Variants in RAPGEF2 observed in about 807,000 individuals in gnomAD.
RAPGEF2 encodes the protein Rap guanine nucleotide exchange factor 2, also known as PDZ domain containing guanine nucleotide exchange factor (GEF) 1.
Under a neutral mutation model 186.7 loss-of-function variants are expected in RAPGEF2, and 54 were observed. That is an observed-to-expected ratio of 0.29 (90% CI 0.23 to 0.36). The LOEUF (loss-of-function observed/expected upper bound fraction) is 0.36, where lower values mean the gene tolerates loss of function less well. Among genes scored for constraint, RAPGEF2 ranks in the 10% least tolerant of loss-of-function variants. The probability of loss-of-function intolerance (pLI) is 1.00; values close to 1 mark genes in which losing one functional copy is unlikely to be tolerated. For synonymous variants in RAPGEF2, 712 were observed against 705.9 expected, an observed-to-expected ratio of 1.01 and a Z score of -0.14; for missense variants, 1,532 against 2,045.0, an observed-to-expected ratio of 0.75 and a Z score of 4.84.
intron 26 of RAPGEF2, chr4:159,352,404 T>C: frequency 3.0e-6 from 1 of 328,138 alleles, no homozygotes; most frequent in Non-Finnish European, 5.6e-6. Context: ...ATTATATAGG[T>C]AAGGGAGCTA....
chr4:159,215,246 C>T (rs1201658947), intron 4 of RAPGEF2, among the ~76,000 whole-genome samples: 1 of 152,182 alleles, frequency 6.6e-6, no homozygotes, highest in Non-Finnish European at 1.5e-5. Context: ...AATCTTAGCT[C>T]ACTGTGGCCT....
chr4:159,344,479 G>C (rs767238863), intron 23 of RAPGEF2, among the ~76,000 whole-genome samples: 4 of 152,068 alleles, frequency 2.6e-5, no homozygotes, highest in Non-Finnish European at 5.9e-5. Flanking sequence ...GTGCCCCCAG[G>C]TGTTAAACCC....
intron 11 of RAPGEF2, among the ~76,000 whole-genome samples, chr4:159,325,653 A>T (rs1458206251): frequency 6.6e-6 from 1 of 151,976 alleles, no homozygotes; most frequent in African/African-American, 2.4e-5. Flanking sequence ...AATTAGCCAG[A>T]CCCTTTTGTT....
At chr4:159,340,889 TC>T (rs1465080557) in intron 19 of RAPGEF2, among the ~76,000 whole-genome samples, 1 of 152,212 alleles carries the variant, frequency 6.6e-6, no homozygotes, top group Non-Finnish European at 1.5e-5. Context: ...AGCCCTGTGT[TC>T]CCATTTTGGC....
intron 17 of RAPGEF2, among the ~76,000 whole-genome samples, chr4:159,333,011 C>T (rs910566140): frequency 6.6e-6 from 1 of 151,860 alleles, no homozygotes; most frequent in African/African-American, 2.4e-5. Flanking sequence ...AAGAGTCTCA[C>T]TCTTATTGCC....
intron 7 of RAPGEF2, chr4:159,268,289 CT>C: frequency 7.8e-7 from 1 of 1,280,470 alleles, no homozygotes; most frequent in Non-Finnish European, 1.1e-6. Flanking sequence ...AATTGTTGCT[CT>C]TTCTCTTCAG....
chr4:159,172,699 A>T (rs1746039643), intron 1 of RAPGEF2, among the ~76,000 whole-genome samples: 1 of 152,204 alleles, frequency 6.6e-6, no homozygotes, highest in South Asian at 2.1e-4. Flanking sequence ...TCAGTAGGAT[A>T]AGTAAAGTGA....
intron 2 of RAPGEF2, among the ~76,000 whole-genome samples, chr4:159,190,328 A>G (rs966274147): frequency 1.3e-5 from 2 of 152,290 alleles, no homozygotes; most frequent in Non-Finnish European, 1.5e-5. Context: ...AATGGACAAT[A>G]GGCATGTAAA....
rs572599368 is a variant in RAPGEF2, at chr4:159,228,085, G to C, written c.282-10724G>C. On this transcript the variant is annotated intron_variant, in intron 4 of 29. Transcript: ENST00000691494. ...GATAAAGAGTGTCTGTCAGGCAGCC[G>C]CTGAGGTCATGAGGCTGGTATGCGA... Among the ~76,000 whole-genome samples, 4 of 152,274 alleles carry C rather than the reference G, an allele frequency of 2.6e-5. No individual in the cohort carries two copies. The East Asian group carries it at 7.7e-4, about 29-fold the overall frequency.
At position 159,353,508 on chromosome 4, in the gene RAPGEF2, G is replaced by C. The variant is rs1031012738; in HGVS notation, c.4113G>C (p.Glu1371Asp). 2 of 1,488,396 alleles carry C rather than the reference G, an allele frequency of 1.3e-6. No individual in the cohort carries two copies. The allele number at this position is 1,488,396 out of a possible 1,614,324, so 92.2% of individuals were successfully genotyped here. Reference protein sequence around the residue: ...YSLGSYAPMSEGRGLYATATV... With the variant: ...YSLGSYAPMSDGRGLYATATV... ...TTAGGTCCTATGCACCAATGTCCGAGGGCCGAGGCTTATATGCTACAGCTA... is the reference window on the plus strand; with the variant it reads ...TTAGGTCCTATGCACCAATGTCCGACGGCCGAGGCTTATATGCTACAGCTA... Residue 1371 changes from glutamate (E) to aspartate (D), a missense_variant, in exon 28 of 30, where the codon GAG (glutamate) becomes GAC (aspartate). Around this residue, in one of 4 missense-constraint regions of RAPGEF2, gnomAD observed 594 missense variants for 608.5 expected, o/e 0.98. Transcript: ENST00000691494. This position sits in a 1 kb window ranked among gnomAD's most constrained non-coding sequence, Gnocchi z 4.3.
chr4:159,138,993 C>A (rs890051793), intron 1 of RAPGEF2, among the ~76,000 whole-genome samples: 1 of 152,158 alleles, frequency 6.6e-6, no homozygotes, highest in Admixed American at 6.5e-5. Flanking sequence ...TCTCAGGCAA[C>A]TTGGTGCATC....
At chr4:159,152,783 A>G (rs1743701828) in intron 1 of RAPGEF2, among the ~76,000 whole-genome samples, 2 of 151,892 alleles carry the variant, frequency 1.3e-5, no homozygotes, top group Admixed American at 1.3e-4. Context: ...ACGCCTGGCT[A>G]ATTTTTTTTG....
chr4:159,115,616 A>G (rs899117596), intron 1 of RAPGEF2, among the ~76,000 whole-genome samples: 10 of 152,088 alleles, frequency 6.6e-5, no homozygotes, highest in African/African-American at 2.2e-4. Flanking sequence ...TTTTAAACAC[A>G]GTCAAATTTA....
intron 17 of RAPGEF2, among the ~76,000 whole-genome samples, chr4:159,337,774 C>T (rs1469762873): frequency 1.3e-5 from 2 of 150,608 alleles, no homozygotes; most frequent in Admixed American, 6.7e-5. Context: ...CCTGTAGTCC[C>T]AGCTACTCAG....
At chr4:159,230,338 CAT>C (rs1418253375) in intron 4 of RAPGEF2, among the ~76,000 whole-genome samples, 12 of 152,224 alleles carry the variant, frequency 7.9e-5, no homozygotes, top group African/African-American at 2.6e-4. Context: ...GACAGCTATT[CAT>C]ATGTGTGTGT....
intron 2 of RAPGEF2, among the ~76,000 whole-genome samples, chr4:159,190,262 A>G (rs916416892): frequency 1.1e-4 from 16 of 152,262 alleles, no homozygotes; most frequent in Admixed American, 5.2e-4. Context: ...GAGCTGTGAG[A>G]TCATCTGACT....
intron 1 of RAPGEF2, among the ~76,000 whole-genome samples, chr4:159,160,722 A>G (rs1338688207): frequency 6.6e-6 from 1 of 152,210 alleles, no homozygotes; most frequent in Non-Finnish European, 1.5e-5. Context: ...ACGACTCCAA[A>G]AGGAAGTGGA....
chr4:159,292,917 A>G (rs995927333), intron 7 of RAPGEF2, among the ~76,000 whole-genome samples: 11 of 152,166 alleles, frequency 7.2e-5, no homozygotes, highest in Non-Finnish European at 1.6e-4. Flanking sequence ...AAGATAATCT[A>G]ATACTTTGTT....
chr4:159,148,712 A>G (rs1743203204), intron 1 of RAPGEF2, among the ~76,000 whole-genome samples: 2 of 152,130 alleles, frequency 1.3e-5, no homozygotes, highest in African/African-American at 2.4e-5. Context: ...CAGATTTCAT[A>G]TTACATTTTC....
Sources: allele counts gnomAD v4.1 joint callset (sites outside exome capture counted in the v4.1 genomes callset), GRCh38; gene constraint gnomAD v4.1.1; regional missense constraint gnomAD v4.1.1; non-coding constraint Gnocchi (gnomAD v3.1); transcripts MANE v1.5; gene names NCBI Gene and HGNC (gene_info 2026-07-23, HGNC 2026-07-21).